Variants in CATSPERT observed in about 807,000 individuals in gnomAD.
CATSPERT encodes cation channel sperm-associated targeting subunit tau.
At chr2:201,588,298 G>C in the CATSPERT span, among the ~76,000 whole-genome samples, 13 of 151,862 alleles carry the variant, frequency 8.6e-5, no homozygotes, top group Non-Finnish European at 1.2e-4. Context: ...GCCCACCACT[G>C]TCAAGTAGGC....
At chr2:201,510,863 C>A in the CATSPERT span, among the ~76,000 whole-genome samples, 1 of 152,180 alleles carries the variant, frequency 6.6e-6, no homozygotes, top group African/African-American at 2.4e-5. Flanking sequence ...AATTTGACCA[C>A]ATAGATGTTT....
At chr2:201,494,636 C>T in the CATSPERT span, 2 of 1,537,116 alleles carry the variant, frequency 1.3e-6, no homozygotes, top group African/African-American at 2.7e-5. Flanking sequence ...TCTTCATGCT[C>T]TATGACCTCT....
the CATSPERT span, chr2:201,494,062 A>G: frequency 6.5e-7 from 1 of 1,535,332 alleles, no homozygotes; most frequent in Non-Finnish European, 8.7e-7. Flanking sequence ...ACCTTCTGAA[A>G]ATGAATCTGC....
the CATSPERT span, among the ~76,000 whole-genome samples, chr2:201,575,741 C>T: frequency 6.6e-6 from 1 of 152,124 alleles, no homozygotes; most frequent in East Asian, 1.9e-4. Context: ...ACTGATTCTA[C>T]GTTCTGATGA....
the CATSPERT span, among the ~76,000 whole-genome samples, chr2:201,561,205 C>T: frequency 3.4e-4 from 51 of 152,150 alleles, 1 homozygote; most frequent in African/African-American, 9.2e-4. Flanking sequence ...AGAATACAAC[C>T]AATGACTATT....
the CATSPERT span, among the ~76,000 whole-genome samples, chr2:201,533,347 G>C: frequency 6.6e-6 from 1 of 152,264 alleles, no homozygotes; most frequent in East Asian, 1.9e-4. Flanking sequence ...ATTTCTTATG[G>C]AAAAAGGCTT....
the CATSPERT span, among the ~76,000 whole-genome samples, chr2:201,541,531 TTATATATA>T: frequency 0.035 from 3,215 of 92,388 alleles, 71 homozygotes; most frequent in African/African-American, 0.045. Context: ...TCAGATGATT[TTATATATA>T]TATATATATA....
the CATSPERT span, among the ~76,000 whole-genome samples, chr2:201,504,179 G>A: frequency 6.6e-5 from 10 of 152,146 alleles, no homozygotes; most frequent in South Asian, 2.1e-4. Context: ...CTACCAGTTC[G>A]CCTCTGTCTG....
the CATSPERT span, chr2:201,535,275 G>A: frequency 1.0e-6 from 1 of 985,002 alleles, no homozygotes; most frequent in Admixed American, 6.2e-5. Context: ...TTTAGAAGCA[G>A]AATCTCACTT....
the CATSPERT span, among the ~76,000 whole-genome samples, chr2:201,571,366 T>C: frequency 1.3e-5 from 2 of 152,346 alleles, no homozygotes; most frequent in South Asian, 2.1e-4. Flanking sequence ...GATAACACCA[T>C]AGATTAAATC....
the CATSPERT span, among the ~76,000 whole-genome samples, chr2:201,548,114 A>G: frequency 3.3e-5 from 5 of 152,134 alleles, no homozygotes; most frequent in Non-Finnish European, 7.4e-5. Context: ...GGTTTGATAC[A>G]TAGGTATACA....
the CATSPERT span, among the ~76,000 whole-genome samples, chr2:201,545,835 G>C: frequency 6.6e-6 from 1 of 152,042 alleles, no homozygotes; most frequent in Non-Finnish European, 1.5e-5. Context: ...ACTCTGGCTA[G>C]GAGTTGATGT....
the CATSPERT span, among the ~76,000 whole-genome samples, chr2:201,601,299 TGTGTGTGTGTGTGTGTGG>T: frequency 5.9e-4 from 86 of 144,620 alleles, no homozygotes; most frequent in African/African-American, 2.0e-3. Flanking sequence ...TGTGTGTGTG[TGTGTGTGTGTGTGTGTGG>T]GTTGTAATAA....
chr2:201,614,617 A>G, the CATSPERT span, among the ~76,000 whole-genome samples: 553 of 152,330 alleles, frequency 3.6e-3, 8 homozygotes, highest in African/African-American at 0.013. Context: ...GCCAAATTGT[A>G]AAGACCATTG....
chr2:201,565,799 G>C, the CATSPERT span: 1 of 1,612,224 alleles, frequency 6.2e-7, no homozygotes, highest in Non-Finnish European at 8.5e-7. Flanking sequence ...TGCACAGCTG[G>C]AGTCCCAACA....
chr2:201,523,138 A>G, the CATSPERT span, among the ~76,000 whole-genome samples: 2 of 152,176 alleles, frequency 1.3e-5, no homozygotes, highest in East Asian at 1.9e-4. Flanking sequence ...ATACCAGTGC[A>G]TGCACGTGGA....
chr2:201,600,777 A>T, the CATSPERT span, among the ~76,000 whole-genome samples: 29 of 149,746 alleles, frequency 1.9e-4, no homozygotes, highest in African/African-American at 6.9e-4. Context: ...TTTGAGACAG[A>T]GTCCAGCTTT....
chr2:201,545,449 A>G, the CATSPERT span: 1 of 831,640 alleles, frequency 1.2e-6, no homozygotes, highest in Non-Finnish European at 1.9e-6. Flanking sequence ...CAAAACAGAA[A>G]TCTACTTAAA....
chr2:201,588,197 A>G, the CATSPERT span, among the ~76,000 whole-genome samples: 1 of 152,122 alleles, frequency 6.6e-6, no homozygotes, highest in Non-Finnish European at 1.5e-5. Context: ...ACAAAAAAGA[A>G]AACTTTAGGC....
Sources: allele counts gnomAD v4.1 joint callset (sites outside exome capture counted in the v4.1 genomes callset), GRCh38; gene constraint gnomAD v4.1.1; transcripts MANE v1.5; gene names NCBI Gene and HGNC (gene_info 2026-07-23, HGNC 2026-07-21).